The following NELL2 variants were observed in gnomAD, a reference collection of about 807,000 sequenced individuals.
The protein encoded by NELL2 is protein kinase C-binding protein NELL2.
A neutral mutation model predicts 109.6 loss-of-function variants in NELL2; 41 were observed. The ratio of observed to expected loss-of-function variants is 0.37; its 90% CI spans 0.29 to 0.49. NELL2 has a LOEUF of 0.49. Among genes scored for constraint, NELL2 ranks in the 20% least tolerant of loss-of-function variants. The probability of loss-of-function intolerance (pLI) is 0.98; values close to 1 mark genes in which losing one functional copy is unlikely to be tolerated. For synonymous variants in NELL2, 355 were observed against 344.7 expected (o/e 1.03, Z -0.33); for missense variants, 900 against 1,008.3 (o/e 0.89, Z 1.45).
chr12:44,714,166 A>G (rs1349693938), intron 10 of NELL2, among the ~76,000 whole-genome samples: 1 of 152,002 alleles, frequency 6.6e-6, no homozygotes, highest in East Asian at 1.9e-4. Flanking sequence ...GTAAATTTGT[A>G]AGGAATTTCC....
intron 15 of NELL2, among the ~76,000 whole-genome samples, chr12:44,550,582 A>AATAC (rs1307958331): frequency 6.8e-6 from 1 of 147,338 alleles, no homozygotes; most frequent in Admixed American, 6.8e-5. Flanking sequence ...TAAATAAATA[A>AATAC]ATAAATAAAT....
chr12:44,592,705 A>G (rs1432912200), intron 15 of NELL2, among the ~76,000 whole-genome samples: 1 of 152,198 alleles, frequency 6.6e-6, no homozygotes, highest in Non-Finnish European at 1.5e-5. Context: ...CCTCAGGAAA[A>G]AAATATTACC....
At chr12:44,866,131 T>C (rs1276662337) in intron 2 of NELL2, among the ~76,000 whole-genome samples, 1 of 152,206 alleles carries the variant, frequency 6.6e-6, no homozygotes, top group African/African-American at 2.4e-5. Flanking sequence ...ACAAAGAAGG[T>C]GTAATCTATG....
chr12:44,901,740 G>A (rs1044273253), intron 1 of NELL2, among the ~76,000 whole-genome samples: 13 of 152,118 alleles, frequency 8.5e-5, no homozygotes, highest in Non-Finnish European at 7.4e-5. Context: ...TGTGAGGCTG[G>A]TTCAATATAC....
rs1945778164 is a variant in NELL2, at chr12:44,911,412, T to C, written c.38+2387A>G. On this transcript the variant is annotated intron_variant, in intron 1 of 20. Coordinates refer to the NELL2 transcript ENST00000333837. ...TTCTCGGGGAAACCATTTGGCTATATGATGGCACTGTGGTTCAGTAGTAAA... is the reference window on the plus strand; with the variant it reads ...TTCTCGGGGAAACCATTTGGCTATACGATGGCACTGTGGTTCAGTAGTAAA... 2.0e-5 allele frequency among the ~76,000 whole-genome samples: 3 copies of C among 152,004 alleles called. No homozygotes were observed. The South Asian group carries it at 6.2e-4, about 32-fold the overall frequency.
chr12:44,691,604 T>TA (rs1336411124), intron 12 of NELL2, among the ~76,000 whole-genome samples: 1 of 152,148 alleles, frequency 6.6e-6, no homozygotes, highest in East Asian at 1.9e-4. Context: ...TGAAAGTCAA[T>TA]ACAGGCCGAA....
intron 12 of NELL2, among the ~76,000 whole-genome samples, chr12:44,684,486 T>C (rs1948644501): frequency 1.3e-5 from 2 of 152,210 alleles, no homozygotes; most frequent in South Asian, 2.1e-4. Flanking sequence ...CTCTTGCTTT[T>C]CTAGTTCTTT....
intron 15 of NELL2, among the ~76,000 whole-genome samples, chr12:44,597,688 A>G (rs1199589553): frequency 6.6e-6 from 1 of 152,210 alleles, no homozygotes; most frequent in African/African-American, 2.4e-5. Flanking sequence ...GCAAAGCATG[A>G]TGACAAGCCC....
intron 12 of NELL2, among the ~76,000 whole-genome samples, chr12:44,679,414 C>T (rs1410004612): frequency 6.6e-6 from 1 of 152,082 alleles, no homozygotes. Flanking sequence ...AATTACCAAG[C>T]GGAGTACAGG....
intron 9 of NELL2, among the ~76,000 whole-genome samples, chr12:44,725,084 G>T (rs1378194875): frequency 3.9e-5 from 6 of 152,068 alleles, no homozygotes; most frequent in Non-Finnish European, 8.8e-5. Context: ...ATTGAAGCTG[G>T]ACCCCTTCCT....
intron 2 of NELL2, among the ~76,000 whole-genome samples, chr12:44,853,738 T>G (rs1944596602): frequency 6.6e-6 from 1 of 152,188 alleles, no homozygotes. Flanking sequence ...TGAATGATAG[T>G]GTCATAAAAT....
At chr12:44,586,284 TTA>T (rs1164270896) in intron 15 of NELL2, among the ~76,000 whole-genome samples, 2 of 148,986 alleles carry the variant, frequency 1.3e-5, no homozygotes, top group African/African-American at 2.4e-5. Flanking sequence ...TGCAGTGTGA[TTA>T]TATATATATA....
At chr12:44,725,133 A>T (rs73278133) in intron 9 of NELL2, among the ~76,000 whole-genome samples, 8,148 of 152,226 alleles carry the variant, frequency 0.054, 685 homozygotes, top group African/African-American at 0.18. Flanking sequence ...TGAATTAAAG[A>T]CTTAAATGCA....
chr12:44,511,830 A>G (rs1464866948), intron 19 of NELL2, among the ~76,000 whole-genome samples: 1 of 152,186 alleles, frequency 6.6e-6, no homozygotes, highest in Non-Finnish European at 1.5e-5. Context: ...TCAACTAAAA[A>G]TGGATTAAAG....
chr12:44,661,238 G>C (rs1947731941), intron 13 of NELL2, among the ~76,000 whole-genome samples: 1 of 152,236 alleles, frequency 6.6e-6, no homozygotes, highest in African/African-American at 2.4e-5. Context: ...CATGGGAAAG[G>C]GGGGCAAGAT....
intron 1 of NELL2, among the ~76,000 whole-genome samples, chr12:44,897,835 C>A (rs1389501591): frequency 6.6e-6 from 1 of 152,018 alleles, no homozygotes; most frequent in African/African-American, 2.4e-5. Context: ...GGATCCCACC[C>A]CTACAAAGCC....
chr12:44,880,110 A>AACAC (rs1196297062), upstream of NELL2, among the ~76,000 whole-genome samples: 5 of 124,560 alleles, frequency 4.0e-5, no homozygotes, highest in African/African-American at 1.6e-4. Flanking sequence ...ATAGTCAAGA[A>AACAC]ACATACACAC....
intron 9 of NELL2, among the ~76,000 whole-genome samples, chr12:44,772,436 T>C (rs1353317708): frequency 6.6e-6 from 1 of 152,222 alleles, no homozygotes; most frequent in East Asian, 1.9e-4. Flanking sequence ...CTACAAGACT[T>C]TTCAGAAGCA....
intron 13 of NELL2, among the ~76,000 whole-genome samples, chr12:44,619,566 T>C (rs542508901): frequency 1.3e-5 from 2 of 152,028 alleles, no homozygotes; most frequent in South Asian, 4.2e-4. Context: ...TTACTGACAG[T>C]TGAGACAGGA....
Sources: allele counts gnomAD v4.1 joint callset (sites outside exome capture counted in the v4.1 genomes callset), GRCh38; gene constraint gnomAD v4.1.1; transcripts MANE v1.5; gene names NCBI Gene and HGNC (gene_info 2026-07-23, HGNC 2026-07-21).